PPP2R5E: variants seen among roughly 807,000 people sequenced by gnomAD.
PPP2R5E encodes the protein serine/threonine-protein phosphatase 2A 56 kDa regulatory subunit epsilon isoform.
Under a neutral mutation model 65.3 loss-of-function variants are expected in PPP2R5E, and 4 were observed. The ratio of observed to expected loss-of-function variants is 0.06; its 90% confidence interval spans 0.03 to 0.14. The LOEUF (loss-of-function observed/expected upper bound fraction) is 0.14. PPP2R5E is among the 10% of genes least tolerant of loss of function. The probability of loss-of-function intolerance (pLI) is 1.00; values close to 1 mark genes in which losing one functional copy is unlikely to be tolerated. For missense variants in PPP2R5E, 274 were observed against 556.1 expected (o/e 0.49, Z 5.10); for synonymous variants, 183 against 187.4 (o/e 0.98, Z 0.19).
chr14:63,512,171 A>G (rs1892490213), intron 2 of PPP2R5E, among the ~76,000 whole-genome samples: 1 of 151,794 alleles, frequency 6.6e-6, no homozygotes, highest in African/African-American at 2.4e-5. Context: ...TGTCCCACAC[A>G]CCATTTTTGA....
rs56314616 is a variant in PPP2R5E, at chr14:63,430,401, GCATACATA to G, written c.355-8315_355-8308del. 6.1e-4 allele frequency among the ~76,000 whole-genome samples: 88 copies of G among 143,832 alleles called. 1 individual carries two copies. Among genetic ancestry groups the G allele is most frequent in the Admixed American group, 1.6e-3 (24 of 14,604 alleles). 94.4% of individuals were successfully genotyped at this position (143,832 alleles called of 152,430 possible). ...TGCATACATACATACATACATACAT[GCATACATA>G]CATACATACATGCATACATACATAT... On this transcript the variant is annotated intron_variant, in intron 3 of 13. Coordinates refer to ENST00000337537, the MANE Select transcript of PPP2R5E (RefSeq NM_006246.5).
chr14:63,413,356 A>G (rs78155436), intron 5 of PPP2R5E, among the ~76,000 whole-genome samples: 3,290 of 152,334 alleles, frequency 0.022, 54 homozygotes, highest in Non-Finnish European at 0.033. Flanking sequence ...ATTCACAAAA[A>G]ATAGGAGAAC....
At chr14:63,514,492 C>A (rs569526361) in intron 2 of PPP2R5E, among the ~76,000 whole-genome samples, 1 of 151,442 alleles carries the variant, frequency 6.6e-6, no homozygotes, top group South Asian at 2.1e-4. Context: ...CACAAAAACT[C>A]TCTTCATTAA....
intron 5 of PPP2R5E, among the ~76,000 whole-genome samples, chr14:63,399,096 G>A (rs895222794): frequency 6.6e-6 from 1 of 152,122 alleles, no homozygotes; most frequent in Non-Finnish European, 1.5e-5. Flanking sequence ...ATTCATAATA[G>A]CTAAAAACTG....
chr14:63,528,463 A>G (rs950745856), intron 2 of PPP2R5E, among the ~76,000 whole-genome samples: 2 of 152,154 alleles, frequency 1.3e-5, no homozygotes, highest in Non-Finnish European at 2.9e-5. Context: ...AAAAGGAATC[A>G]CTCTAAGTTT....
intron 2 of PPP2R5E, among the ~76,000 whole-genome samples, chr14:63,475,467 T>C (rs765718473): frequency 7.9e-5 from 12 of 152,256 alleles, no homozygotes; most frequent in Admixed American, 2.6e-4. Context: ...CAATGAACAC[T>C]TTTAGTGATG....
chr14:63,423,070 C>G (rs1887129535), intron 3 of PPP2R5E, among the ~76,000 whole-genome samples: 1 of 152,176 alleles, frequency 6.6e-6, no homozygotes, highest in Non-Finnish European at 1.5e-5. Flanking sequence ...ATTATACTAT[C>G]TATTACTTCT....
intron 5 of PPP2R5E, among the ~76,000 whole-genome samples, chr14:63,406,353 G>A (rs1051510445): frequency 1.3e-5 from 2 of 151,102 alleles, no homozygotes; most frequent in African/African-American, 2.4e-5. Flanking sequence ...GGAGGTTGCC[G>A]TGAGCCGAGA....
At chr14:63,525,543 C>A (rs1358505104) in intron 2 of PPP2R5E, among the ~76,000 whole-genome samples, 1 of 152,124 alleles carries the variant, frequency 6.6e-6, no homozygotes, top group Non-Finnish European at 1.5e-5. Context: ...GAAAACATGC[C>A]AACCACCCAA....
intron 4 of PPP2R5E, among the ~76,000 whole-genome samples, chr14:63,419,566 T>C (rs781408562): frequency 6.6e-6 from 1 of 152,200 alleles, no homozygotes. Flanking sequence ...GGCTAATTTG[T>C]GCTATAAGAA....
intron 3 of PPP2R5E, among the ~76,000 whole-genome samples, chr14:63,433,440 C>T (rs1887797146): frequency 6.6e-6 from 1 of 152,056 alleles, no homozygotes; most frequent in African/African-American, 2.4e-5. Context: ...CCTGTTCATG[C>T]CCCTCCCTCC....
intron 12 of PPP2R5E, among the ~76,000 whole-genome samples, 178 bp downstream of exon 12, chr14:63,384,266 G>A (rs757330446): frequency 1.2e-4 from 19 of 152,084 alleles, no homozygotes; most frequent in Non-Finnish European, 2.1e-4. Flanking sequence ...TACTTTAACC[G>A]GTATTTTGTT....
intron 11 of PPP2R5E, among the ~76,000 whole-genome samples, chr14:63,388,726 G>A (rs1301428016): frequency 6.6e-6 from 1 of 152,206 alleles, no homozygotes; most frequent in Non-Finnish European, 1.5e-5. Context: ...AACAACAGCA[G>A]CAGCTAGTGT....
At chr14:63,442,607 A>C (rs1888291172) in intron 3 of PPP2R5E, among the ~76,000 whole-genome samples, 1 of 152,194 alleles carries the variant, frequency 6.6e-6, no homozygotes, top group Non-Finnish European at 1.5e-5. Context: ...AGGAAGAGGG[A>C]GACCACATTT....
At chr14:63,376,525 T>C (rs1044414674) in intron 13 of PPP2R5E, among the ~76,000 whole-genome samples, 1 of 152,192 alleles carries the variant, frequency 6.6e-6, no homozygotes, top group African/African-American at 2.4e-5. Context: ...TGAAAAGAAC[T>C]TGGTTGATAT....
At chr14:63,398,422 A>T (rs576586956) in intron 5 of PPP2R5E, among the ~76,000 whole-genome samples, 3 of 152,342 alleles carry the variant, frequency 2.0e-5, no homozygotes, top group African/African-American at 7.2e-5. Context: ...AAGAGCCCAA[A>T]AGTAAGCCCT....
intron 2 of PPP2R5E, among the ~76,000 whole-genome samples, chr14:63,468,775 T>A (rs765548518): frequency 6.6e-6 from 1 of 152,224 alleles, no homozygotes; most frequent in Non-Finnish European, 1.5e-5. Flanking sequence ...TTAATACTTA[T>A]ATATACTAAC....
At chr14:63,390,047 T>A (rs756544152) in intron 10 of PPP2R5E, among the ~76,000 whole-genome samples, 11 of 151,942 alleles carry the variant, frequency 7.2e-5, no homozygotes, top group Non-Finnish European at 1.5e-4. Flanking sequence ...CTCTCTATTA[T>A]TAGTAATCCA....
chr14:63,431,073 T>A (rs1000482981), intron 3 of PPP2R5E, among the ~76,000 whole-genome samples: 1 of 152,016 alleles, frequency 6.6e-6, no homozygotes, highest in African/African-American at 2.4e-5. Flanking sequence ...ATCGAGACCA[T>A]CCTGGCCAAC....
Sources: gnomAD v4.1 joint callset for allele counts (sites outside exome capture counted in the v4.1 genomes callset) on GRCh38, gnomAD v4.1.1 for gene constraint, MANE v1.5 for transcripts, NCBI Gene and HGNC (gene_info 2026-07-23, HGNC 2026-07-21) for gene names.